CADM2: variants seen among roughly 807,000 people sequenced by gnomAD.
The protein encoded by CADM2 is cell adhesion molecule 2, also known as immunoglobulin superfamily member 4D.
In CADM2, 12 loss-of-function variants were observed where a neutral mutation model predicts 49.8. The ratio of observed to expected loss-of-function variants is 0.24; its 90% CI spans 0.15 to 0.39. The LOEUF (loss-of-function observed/expected upper bound fraction) is 0.39. CADM2 is among the 10% of genes least tolerant of loss of function. The pLI, the probability that CADM2 is intolerant of heterozygous loss-of-function variation, is 1.00. For missense variants in CADM2, 378 were observed against 492.3 expected, an observed-to-expected ratio of 0.77 and a Z score of 2.20; for synonymous variants, 214 against 175.4, an observed-to-expected ratio of 1.22 and a Z score of -1.74.
chr3:85,211,288 T>C lies in CADM2; in HGVS notation c.61+251620T>C, dbSNP rs188363720. On this transcript the variant is annotated intron_variant, in intron 1 of 9. Coordinates refer to ENST00000383699, the MANE Select transcript of CADM2 (RefSeq NM_001167675.2). ...TTGTATAATTTCTTTCATTCCAATTTCATTTATTACTGCTCTGATCTATTT... is the reference window on the plus strand; with the variant it reads ...TTGTATAATTTCTTTCATTCCAATTCCATTTATTACTGCTCTGATCTATTT... 4.8e-4 allele frequency among the ~76,000 whole-genome samples: 73 copies of C among 152,276 alleles called. 1 individual carries two copies. In the East Asian group the frequency reaches 0.012, roughly 25 times the overall value.
At chr3:85,962,521 G>T (rs532427127) in intron 8 of CADM2, among the ~76,000 whole-genome samples, 4 of 151,884 alleles carry the variant, frequency 2.6e-5, no homozygotes, top group Admixed American at 6.6e-5. Context: ...AATACCAGTC[G>T]CCATGAGTGA....
chr3:85,215,864 T>C (rs2041913298), intron 1 of CADM2, among the ~76,000 whole-genome samples: 1 of 152,090 alleles, frequency 6.6e-6, no homozygotes. Flanking sequence ...TGAGTTGTGC[T>C]GCAAAATCTG....
chr3:85,442,742 A>G (rs1576562697), intron 1 of CADM2, among the ~76,000 whole-genome samples: 1 of 150,798 alleles, frequency 6.6e-6, no homozygotes, highest in South Asian at 2.1e-4. Context: ...AAGTGACATA[A>G]GAATATATTT....
At chr3:85,927,522 TGTAA>T (rs536116546) in intron 6 of CADM2, among the ~76,000 whole-genome samples, 23 of 152,326 alleles carry the variant, frequency 1.5e-4, no homozygotes, top group South Asian at 1.2e-3. Context: ...TTAGGAACTA[TGTAA>T]GTGTTTGTCA....
At chr3:85,952,262 C>T (rs1343535629) in intron 7 of CADM2, among the ~76,000 whole-genome samples, 1 of 150,730 alleles carries the variant, frequency 6.6e-6, no homozygotes, top group Admixed American at 6.6e-5. Flanking sequence ...TTTCTTGCTC[C>T]AATGACACTA....
chr3:85,972,972 C>T (rs1448252524), intron 8 of CADM2, among the ~76,000 whole-genome samples: 1 of 151,658 alleles, frequency 6.6e-6, no homozygotes, highest in African/African-American at 2.4e-5. Flanking sequence ...CACTGAAAAC[C>T]TGCGTTTAGA....
At chr3:85,029,591 C>G (rs775097123) in intron 1 of CADM2, among the ~76,000 whole-genome samples, 1 of 152,222 alleles carries the variant, frequency 6.6e-6, no homozygotes, top group Non-Finnish European at 1.5e-5. Flanking sequence ...TAGTGATTCT[C>G]TCTGTTAGAA....
intron 1 of CADM2, among the ~76,000 whole-genome samples, chr3:85,540,427 G>A (rs1002101170): frequency 2.0e-5 from 3 of 151,966 alleles, no homozygotes; most frequent in African/African-American, 7.3e-5. Context: ...CAGATACTTG[G>A]CATTTTAGAT....
At chr3:85,171,226 A>G (rs189700682) in intron 1 of CADM2, among the ~76,000 whole-genome samples, 14 of 152,294 alleles carry the variant, frequency 9.2e-5, no homozygotes, top group Admixed American at 2.6e-4. Context: ...GTATAGAAAT[A>G]TTAGGTGAGT....
At chr3:85,956,198 C>G (rs979207852) in intron 7 of CADM2, among the ~76,000 whole-genome samples, 1 of 151,466 alleles carries the variant, frequency 6.6e-6, no homozygotes, top group South Asian at 2.1e-4. Context: ...CTTTTTTCAG[C>G]CTTATCATAT....
At chr3:85,422,428 C>A (rs961787368) in intron 1 of CADM2, among the ~76,000 whole-genome samples, 6 of 152,018 alleles carry the variant, frequency 3.9e-5, no homozygotes, top group African/African-American at 7.2e-5. Flanking sequence ...CAGGTGCCTG[C>A]CACCACGCCC....
chr3:85,412,265 T>C (rs898128618), intron 1 of CADM2, among the ~76,000 whole-genome samples: 5 of 152,230 alleles, frequency 3.3e-5, no homozygotes, highest in Non-Finnish European at 7.3e-5. Context: ...AATGGATTAC[T>C]GTAAAAAGTA....
At chr3:85,773,914 C>T (rs2070227764) in intron 2 of CADM2, among the ~76,000 whole-genome samples, 2 of 151,902 alleles carry the variant, frequency 1.3e-5, no homozygotes, top group East Asian at 1.9e-4. Flanking sequence ...ATTTTAATAT[C>T]GATAGACTAT....
chr3:85,132,900 C>T (rs1465917295), intron 1 of CADM2, among the ~76,000 whole-genome samples: 1 of 152,108 alleles, frequency 6.6e-6, no homozygotes, highest in Non-Finnish European at 1.5e-5. Flanking sequence ...CGGACCCTGG[C>T]GGTGAGTGTT....
Position 85,359,637 on chromosome 3 carries a change from CAT to C in CADM2, c.62-366856_62-366855del, listed in dbSNP as rs1191509964. Among the ~76,000 whole-genome samples the C allele has an allele frequency of 7.4e-3, 255 of 34,254 alleles. 18 individuals are homozygous for C. The highest frequency in any genetic ancestry group is 0.02 in the African/African-American group (193 of 9,882). 22.5% of individuals were successfully genotyped at this position (34,254 alleles called of 152,430 possible). ...TATTTTTATTCCAGGCCAATGTCAG[CAT>C]ATATATATATATATATATATATATA... is the stretch of plus-strand genomic sequence containing the variant. On this transcript the variant is annotated intron_variant, in intron 1 of 9. Coordinates refer to ENST00000383699, the MANE Select transcript of CADM2 (RefSeq NM_001167675.2).
intron 1 of CADM2, among the ~76,000 whole-genome samples, chr3:85,582,393 C>T (rs556279766): frequency 6.6e-6 from 1 of 151,930 alleles, no homozygotes; most frequent in East Asian, 1.9e-4. Context: ...ATTCATTGAT[C>T]TGCTTGTTAA....
At chr3:85,348,253 A>G (rs1481248824) in intron 1 of CADM2, among the ~76,000 whole-genome samples, 1 of 152,140 alleles carries the variant, frequency 6.6e-6, no homozygotes, top group African/African-American at 2.4e-5. Flanking sequence ...TACTCTAGGA[A>G]AGGCCATGCT....
At chr3:85,237,159 A>G (rs1191377282) in intron 1 of CADM2, among the ~76,000 whole-genome samples, 4 of 152,080 alleles carry the variant, frequency 2.6e-5, no homozygotes, top group Non-Finnish European at 5.9e-5. Flanking sequence ...AGGCCAGCCA[A>G]ACTTCAGAGT....
At chr3:85,733,577 G>T (rs1441114138) in intron 2 of CADM2, among the ~76,000 whole-genome samples, 1 of 152,050 alleles carries the variant, frequency 6.6e-6, no homozygotes, top group Non-Finnish European at 1.5e-5. Flanking sequence ...TGATTTAATG[G>T]AGGTGCATTT....
Sources: allele counts gnomAD v4.1 joint callset (sites outside exome capture counted in the v4.1 genomes callset), GRCh38; gene constraint gnomAD v4.1.1; transcripts MANE v1.5; gene names NCBI Gene and HGNC (gene_info 2026-07-23, HGNC 2026-07-21).